Variants in TJP1 observed in about 807,000 individuals in gnomAD.
TJP1 encodes tight junction protein 1.
TJP1 carries 43 observed loss-of-function variants against 194.2 expected under a neutral mutation model. That is an observed-to-expected ratio of 0.22 (90% CI 0.17 to 0.29). The LOEUF (loss-of-function observed/expected upper bound fraction) is 0.29. TJP1 is among the 10% of genes least tolerant of loss of function. The pLI, the probability that TJP1 is intolerant of heterozygous loss-of-function variation, is 1.00. For missense variants in TJP1, 1,971 were observed against 2,185.7 expected (o/e 0.90, Z 1.96); for synonymous variants, 801 against 779.0 (o/e 1.03, Z -0.47).
intron 2 of TJP1, among the ~76,000 whole-genome samples, chr15:29,899,031 T>G (rs1344797890): frequency 2.0e-5 from 3 of 152,190 alleles, no homozygotes; most frequent in African/African-American, 7.2e-5. Flanking sequence ...ATAAGGAGTG[T>G]TAGGGTGGGT....
intron 2 of TJP1, among the ~76,000 whole-genome samples, chr15:29,882,497 T>C (rs1203146062): frequency 1.3e-5 from 2 of 152,168 alleles, no homozygotes; most frequent in African/African-American, 4.8e-5. Context: ...TTCAATAGAC[T>C]GCAGAAAATG....
intron 2 of TJP1, among the ~76,000 whole-genome samples, chr15:29,914,428 C>A (rs1427303640): frequency 1.3e-5 from 2 of 152,138 alleles, no homozygotes; most frequent in Non-Finnish European, 2.9e-5. Context: ...GAAAGCCAGG[C>A]AGCAGCAGGA....
intron 1 of TJP1, among the ~76,000 whole-genome samples, chr15:29,957,726 G>C (rs2056000945): frequency 1.3e-5 from 2 of 152,098 alleles, no homozygotes; most frequent in African/African-American, 2.4e-5. Flanking sequence ...AACATCCTTG[G>C]CAACATCTTT....
intron 1 of TJP1, among the ~76,000 whole-genome samples, chr15:29,807,098 A>T (rs546045243): frequency 1.3e-4 from 20 of 152,358 alleles, no homozygotes; most frequent in African/African-American, 3.4e-4. Flanking sequence ...AACACTGGTT[A>T]AATTTACAAA....
intron 8 of TJP1, among the ~76,000 whole-genome samples, chr15:29,749,929 G>C (rs532723555): frequency 6.6e-6 from 1 of 152,016 alleles, no homozygotes; most frequent in African/African-American, 2.4e-5. Flanking sequence ...TGCAACCTCC[G>C]CCTCCTGGGT....
At chr15:29,954,641 G>A (rs1371712473) in intron 2 of TJP1, among the ~76,000 whole-genome samples, 1 of 151,938 alleles carries the variant, frequency 6.6e-6, no homozygotes, top group South Asian at 2.1e-4. Context: ...AATGTCTTCT[G>A]GTAGGTCACA....
intron 2 of TJP1, among the ~76,000 whole-genome samples, chr15:29,862,658 T>G (rs2052128120): frequency 6.8e-6 from 1 of 147,356 alleles, no homozygotes; most frequent in Non-Finnish European, 1.5e-5. Context: ...TTTTTTTTTT[T>G]TTTTTTTGAG....
chr15:29,808,807 C>T (rs1417642351), intron 1 of TJP1, among the ~76,000 whole-genome samples: 1 of 133,402 alleles, frequency 7.5e-6, no homozygotes, highest in African/African-American at 2.8e-5. Flanking sequence ...TTTGTAACAC[C>T]TAGTGAATTA....
At position 29,763,913 on chromosome 15, in the gene TJP1, T is replaced by G. The variant is rs2151552869; in HGVS notation, c.590-1475A>C. Among the ~76,000 whole-genome samples, 2 of 152,266 alleles carry G rather than the reference T, an allele frequency of 1.3e-5. 1 individual carries two copies. The highest frequency in any genetic ancestry group is 4.1e-4 in the South Asian group (2 of 4,822). ...AGGAATGAGGCAGTCATCCATATGG[T>G]CATTACATCACAGAAGGATAGGGTA... On this transcript the variant is annotated intron_variant, in intron 5 of 27. Transcript: ENST00000614355.
At chr15:29,908,279 TA>T (rs1232165585) in intron 2 of TJP1, among the ~76,000 whole-genome samples, 1 of 151,974 alleles carries the variant, frequency 6.6e-6, no homozygotes, top group Non-Finnish European at 1.5e-5. Context: ...GAGAAGAGCC[TA>T]AAAGCTTCCA....
chr15:29,819,679 C>A (rs2050190306), intron 1 of TJP1, among the ~76,000 whole-genome samples: 2 of 152,182 alleles, frequency 1.3e-5, no homozygotes, highest in Non-Finnish European at 2.9e-5. Flanking sequence ...CAATACAACA[C>A]TAGAAGACAC....
At chr15:29,881,887 G>C (rs1407256301) in intron 2 of TJP1, among the ~76,000 whole-genome samples, 1 of 151,630 alleles carries the variant, frequency 6.6e-6, no homozygotes, top group Non-Finnish European at 1.5e-5. Context: ...AAGTGTTCAA[G>C]GATGTTTATT....
chr15:29,798,905 A>C (rs1474882915), intron 2 of TJP1, among the ~76,000 whole-genome samples: 2 of 152,362 alleles, frequency 1.3e-5, no homozygotes, highest in East Asian at 3.9e-4. Flanking sequence ...CAGCCTCAAA[A>C]GGCTACATGT....
At chr15:29,714,475 T>C (rs1033171876) in intron 23 of TJP1, among the ~76,000 whole-genome samples, 2 of 151,006 alleles carry the variant, frequency 1.3e-5, no homozygotes, top group African/African-American at 4.9e-5. Context: ...CCTGACCTCA[T>C]GATCCACCCA....
intron 8 of TJP1, among the ~76,000 whole-genome samples, chr15:29,749,124 A>T (rs2045057812): frequency 6.6e-6 from 1 of 151,180 alleles, no homozygotes; most frequent in African/African-American, 2.4e-5. Flanking sequence ...GCTTTTCCCC[A>T]GAAGGGTAAG....
chr15:29,825,881 C>A (rs1299510160), upstream of TJP1, among the ~76,000 whole-genome samples: 2 of 152,128 alleles, frequency 1.3e-5, no homozygotes, highest in Non-Finnish European at 2.9e-5. Flanking sequence ...CCAATAAAGT[C>A]ATGTAACAAT....
chr15:29,708,085 AC>A (rs556925587), intron 25 of TJP1, among the ~76,000 whole-genome samples: 302 of 152,070 alleles, frequency 2.0e-3, no homozygotes, highest in African/African-American at 7.1e-3. Flanking sequence ...AGTCCCAGCT[AC>A]TTAGGAGGCT....
intron 2 of TJP1, among the ~76,000 whole-genome samples, chr15:29,889,066 T>G (rs936857122): frequency 7.9e-5 from 12 of 152,270 alleles, no homozygotes; most frequent in Non-Finnish European, 1.3e-4. Context: ...TCTGGGAAGA[T>G]AAATAAGTGA....
intron 4 of TJP1, 150 bp from the exon 5 acceptor site, chr15:29,766,692 GA>G (rs1300630147): frequency 6.8e-6 from 5 of 733,994 alleles, no homozygotes; most frequent in Non-Finnish European, 9.9e-6. Context: ...AATTTCTAAG[GA>G]ATACATTTCC....
Sources: gnomAD v4.1 joint callset for allele counts (sites outside exome capture counted in the v4.1 genomes callset) on GRCh38, gnomAD v4.1.1 for gene constraint, MANE v1.5 for transcripts, NCBI Gene and HGNC (gene_info 2026-07-23, HGNC 2026-07-21) for gene names.